Variants in RBM19 observed in about 807,000 individuals in gnomAD.
RBM19 encodes probable RNA-binding protein 19.
A neutral mutation model predicts 116.8 loss-of-function variants in RBM19; 94 were observed. The ratio of observed to expected loss-of-function variants is 0.80; its 90% CI spans 0.68 to 0.95. The LOEUF is 0.95. Ranked by LOEUF, RBM19 falls within the 40% of genes least tolerant of loss-of-function variation. The pLI is 0.00. For synonymous variants in RBM19, 475 were observed against 494.1 expected, an observed-to-expected ratio of 0.96 and a Z score of 0.51; for missense variants, 1,161 against 1,220.7, an observed-to-expected ratio of 0.95 and a Z score of 0.73.
At chr12:113,832,835 C>T (rs910381895) in intron 23 of RBM19, among the ~76,000 whole-genome samples, 5 of 152,060 alleles carry the variant, frequency 3.3e-5, no homozygotes, top group African/African-American at 7.3e-5. Flanking sequence ...TTTTAAAGCC[C>T]GATGATTATG....
chr12:113,867,948 A>AATAC (rs1201166152), intron 21 of RBM19, among the ~76,000 whole-genome samples: 1 of 152,158 alleles, frequency 6.6e-6, no homozygotes, highest in East Asian at 1.9e-4. Context: ...TAAATAAATA[A>AATAC]ATAGGAAATG....
chr12:113,956,524 T>C (rs1258240580), intron 6 of RBM19, among the ~76,000 whole-genome samples: 2 of 134,428 alleles, frequency 1.5e-5, no homozygotes, highest in Non-Finnish European at 3.0e-5. Context: ...GAGGCTGCAG[T>C]GAGCTGAGAT....
At chr12:113,955,256 C>A in intron 6 of RBM19, 45 bp from the exon 7 acceptor site, 1 of 1,571,960 alleles carries the variant, frequency 6.4e-7, no homozygotes, top group Non-Finnish European at 8.8e-7. Flanking sequence ...ACTAACCCTT[C>A]GTACAGCTGC....
At chr12:113,957,737 G>T (rs769513783) in intron 6 of RBM19, 45 bp downstream of exon 6, 1 of 1,525,484 alleles carries the variant, frequency 6.6e-7, no homozygotes, top group Non-Finnish European at 8.8e-7. Flanking sequence ...CGGGCAAGCA[G>T]GAGAGCGCAC....
intron 17 of RBM19, among the ~76,000 whole-genome samples, chr12:113,925,300 TG>T (rs1868967502): frequency 6.6e-6 from 1 of 152,040 alleles, no homozygotes; most frequent in African/African-American, 2.4e-5. Context: ...AAATGAGCAA[TG>T]GGGAAGCCCA....
chr12:113,857,815 C>T (rs1406400128), intron 22 of RBM19, among the ~76,000 whole-genome samples: 1 of 152,236 alleles, frequency 6.6e-6, no homozygotes, highest in African/African-American at 2.4e-5. Context: ...CACAGCTGAC[C>T]CACCCCCTGG....
At chr12:113,949,984 T>G in intron 9 of RBM19, 99 bp downstream of exon 9, 1 of 1,081,522 alleles carries the variant, frequency 9.2e-7, no homozygotes. Flanking sequence ...ACTGCATTCT[T>G]GGTGGTGGTG....
At chr12:113,947,257 TACACACACAC>T in intron 11 of RBM19, 67 bp downstream of exon 11, 8 of 1,401,778 alleles carry the variant, frequency 5.7e-6, no homozygotes, top group Non-Finnish European at 7.7e-6. Flanking sequence ...TCCACACACA[TACACACACAC>T]ACACACCAGC....
At chr12:113,933,383 A>C (rs1593608836) in intron 16 of RBM19, among the ~76,000 whole-genome samples, 1 of 151,406 alleles carries the variant, frequency 6.6e-6, no homozygotes, top group Non-Finnish European at 1.5e-5. Context: ...AAAGAACAGC[A>C]CCCGCCAGGA....
At chr12:113,873,706 A>AAAG (rs1361424086) in intron 21 of RBM19, among the ~76,000 whole-genome samples, 4 of 151,388 alleles carry the variant, frequency 2.6e-5, no homozygotes, top group African/African-American at 9.7e-5. Flanking sequence ...AAAAAAAAAA[A>AAAG]AGAAAAGGCA....
Position 113,924,738 on chromosome 12 carries a change from G to T in RBM19, c.2264C>A (p.Thr755Lys). Residue 755 changes from threonine to lysine, a missense_variant, in exon 18 of 24, where the codon ACA (threonine) becomes AAA (lysine). Coordinates refer to ENST00000261741, the MANE Select transcript of RBM19 (RefSeq NM_016196.4). Reference sequence around the variant, plus strand: ...CTTGGAGATGGAGCAGCTCTTCACTGTCCCCACTTTTGAAAACACCTGGAT... The same window carrying T: ...CTTGGAGATGGAGCAGCTCTTCACTTTCCCCACTTTTGAAAACACCTGGAT... ...KLKEVFSKVG[T>K]VKSCSISKKK... 1 of 1,552,460 alleles carries T rather than the reference G, an allele frequency of 6.4e-7. No homozygotes were observed. Among genetic ancestry groups the T allele is most frequent in the Non-Finnish European group, 8.9e-7 (1 of 1,124,050 alleles).
intron 6 of RBM19, among the ~76,000 whole-genome samples, chr12:113,955,468 C>T (rs1292153999): frequency 6.6e-6 from 1 of 152,010 alleles, no homozygotes; most frequent in African/African-American, 2.4e-5. Context: ...GACAGGGACC[C>T]TGGGGCTACA....
chr12:113,946,214 T>C (rs1042327936), intron 12 of RBM19, 140 bp downstream of exon 12: 34 of 1,174,202 alleles, frequency 2.9e-5, no homozygotes, highest in Non-Finnish European at 3.7e-5. Context: ...TCTCCCATTT[T>C]ACAGATGAGA....
At chr12:113,858,938 C>G in intron 21 of RBM19, 42 bp from the exon 22 acceptor site, 1 of 1,586,776 alleles carries the variant, frequency 6.3e-7, no homozygotes, top group Non-Finnish European at 8.7e-7. Flanking sequence ...AGAATAGAGG[C>G]CCGCAAGGGA....
downstream of RBM19, among the ~76,000 whole-genome samples, chr12:113,818,624 T>TG (rs1874211609): frequency 6.6e-6 from 1 of 152,258 alleles, no homozygotes; most frequent in Non-Finnish European, 1.5e-5. Flanking sequence ...GTCTGCTAAC[T>TG]ACTTTCCATT....
chr12:113,876,117 A>G (rs1256208681), intron 21 of RBM19, among the ~76,000 whole-genome samples: 1 of 152,194 alleles, frequency 6.6e-6, no homozygotes. Context: ...AAACCAGACT[A>G]GGATTCTCTG....
At chr12:113,931,953 C>T (rs543390429) in intron 16 of RBM19, among the ~76,000 whole-genome samples, 10 of 152,212 alleles carry the variant, frequency 6.6e-5, no homozygotes, top group Non-Finnish European at 1.5e-4. Flanking sequence ...ACAGGGAGCT[C>T]GAGACAGGAC....
In RBM19 at chr12:113,946,420, G is replaced by C. The variant is rs1306806861; in HGVS notation, c.1463C>G (p.Ala488Gly). The C allele has an allele frequency of 1.2e-6, 2 of 1,614,090 alleles. No homozygotes were observed. The highest frequency in any genetic ancestry group is 1.7e-6 in the Non-Finnish European group (2 of 1,180,000). The change falls in exon 12 of 24, where the codon GCC becomes GGC. Residue 488 changes from alanine (A) to glycine (G), a missense_variant. Ala to Gly is a moderately conservative substitution (Grantham distance 60, BLOSUM62 0). Coordinates refer to ENST00000261741, the MANE Select transcript of RBM19 (RefSeq NM_016196.4). ...STIKKEASED[A>G]SALGSSSYKK... ...GTAGGACGACGATCCCAGGGCACTG[G>C]CATCCTCGCTGGCTTCCTTCTTGAT... is the stretch of plus-strand genomic sequence containing the variant.
At chr12:113,958,246 T>C (rs1387279741) in intron 5 of RBM19, among the ~76,000 whole-genome samples, 196 bp from the exon 6 acceptor site, 1 of 152,176 alleles carries the variant, frequency 6.6e-6, no homozygotes, top group Non-Finnish European at 1.5e-5. Context: ...GCAGCTTTGA[T>C]ATTCTCTGTG....
Sources: gnomAD v4.1 joint callset for allele counts (sites outside exome capture counted in the v4.1 genomes callset) on GRCh38, gnomAD v4.1.1 for gene constraint, MANE v1.5 for transcripts, NCBI Gene and HGNC (gene_info 2026-07-23, HGNC 2026-07-21) for gene names.